The following SDK1 variants were observed in gnomAD, a reference collection of about 807,000 sequenced individuals.
SDK1 encodes the protein sidekick cell adhesion molecule 1, also known as protein sidekick-1.
In SDK1, 157 loss-of-function variants were observed where a neutral mutation model predicts 245.5. That is an observed-to-expected ratio of 0.64 (90% confidence interval 0.56 to 0.73). The LOEUF (loss-of-function observed/expected upper bound fraction) is 0.73. Among genes scored for constraint, SDK1 ranks in the 30% least tolerant of loss-of-function variants. SDK1 has a pLI of 0.00. For missense variants in SDK1, 3,583 were observed against 3,002.3 expected, an observed-to-expected ratio of 1.19 and a Z score of -4.52; for synonymous variants, 1,647 against 1,278.5, an observed-to-expected ratio of 1.29 and a Z score of -6.15.
chr7:4,103,589 G>A lies in SDK1; in HGVS notation c.3325-7074G>A, dbSNP rs577215264. 1.6e-3 allele frequency among the ~76,000 whole-genome samples: 240 copies of A among 152,320 alleles called. 1 individual carries two copies. Among genetic ancestry groups the A allele is most frequent in the African/African-American group, 5.5e-3 (229 of 41,580 alleles). On this transcript the variant is annotated intron_variant, in intron 22 of 44. Transcript: ENST00000404826. The stretch of plus-strand genomic sequence containing the variant: ...TGGTGATCATCTGTTTTGGAGCTCC[G>A]TGTAAAGCAACCCATTTTCAGTACT...
intron 38 of SDK1, 151 bp from the exon 39 acceptor site, chr7:4,219,958 G>T: frequency 1.2e-6 from 1 of 815,228 alleles, no homozygotes; most frequent in Non-Finnish European, 1.8e-6. Context: ...CTGAAAATTG[G>T]CTATTACCAC....
chr7:3,867,002 T>A (rs751505925), intron 5 of SDK1, among the ~76,000 whole-genome samples: 2 of 152,162 alleles, frequency 1.3e-5, no homozygotes, highest in Non-Finnish European at 2.9e-5. Context: ...TCTGGCAGGT[T>A]AACAACAAAG....
chr7:3,962,371 C>T (rs1781768383), intron 8 of SDK1, among the ~76,000 whole-genome samples: 1 of 152,210 alleles, frequency 6.6e-6, no homozygotes, highest in Admixed American at 6.5e-5. Context: ...CAGCTGGAAT[C>T]TCCTTTCCAA....
intron 4 of SDK1, among the ~76,000 whole-genome samples, chr7:3,805,556 T>C (rs1041183732): frequency 2.6e-5 from 4 of 152,224 alleles, no homozygotes; most frequent in South Asian, 2.1e-4. Flanking sequence ...TTCTTTTTTG[T>C]GGCAAATGGT....
intron 1 of SDK1, among the ~76,000 whole-genome samples, chr7:3,307,989 C>G (rs1277487330): frequency 6.6e-6 from 1 of 152,122 alleles, no homozygotes; most frequent in African/African-American, 2.4e-5. Flanking sequence ...CTTCATTTTA[C>G]TTTTCTCAGA....
In SDK1 at chr7:4,125,273, A is replaced by T. The variant is rs373725871; in HGVS notation, c.3824-2108A>T. On this transcript the variant is annotated intron_variant, in intron 25 of 44. Coordinates refer to ENST00000404826, the MANE Select transcript of SDK1 (RefSeq NM_152744.4). Reference sequence around the variant, plus strand: ...GAATGGATGGATGGGTGATGGATGGATGGATATGTAGATGGATAGATGGAT... The same window carrying T: ...GAATGGATGGATGGGTGATGGATGGTTGGATATGTAGATGGATAGATGGAT... Among the ~76,000 whole-genome samples, 31 of 145,544 alleles carry T rather than the reference A, an allele frequency of 2.1e-4. No individual in the cohort carries two copies. The South Asian group carries it at 6.6e-3, about 31-fold the overall frequency.
At chr7:3,706,688 C>A (rs1784901184) in intron 4 of SDK1, among the ~76,000 whole-genome samples, 1 of 152,178 alleles carries the variant, frequency 6.6e-6, no homozygotes, top group African/African-American at 2.4e-5. Flanking sequence ...AGGCGTGAGC[C>A]ACTGTGCTCG....
chr7:3,881,503 T>C (rs1038766530), intron 5 of SDK1, among the ~76,000 whole-genome samples: 1 of 152,234 alleles, frequency 6.6e-6, no homozygotes, highest in African/African-American at 2.4e-5. Flanking sequence ...CATTCTATCA[T>C]TGATGGACAT....
At chr7:4,071,350 A>G (rs555876024) in intron 20 of SDK1, among the ~76,000 whole-genome samples, 2 of 152,344 alleles carry the variant, frequency 1.3e-5, no homozygotes, top group South Asian at 2.1e-4. Context: ...AAAAAAGTAA[A>G]TTAATGAATC....
chr7:3,666,388 C>T (rs529689615), intron 4 of SDK1, among the ~76,000 whole-genome samples: 2 of 152,348 alleles, frequency 1.3e-5, no homozygotes, highest in Non-Finnish European at 2.9e-5. Context: ...ATGCCATCAC[C>T]ATGCTGGATT....
intron 7 of SDK1, among the ~76,000 whole-genome samples, chr7:3,954,097 A>G (rs900420624): frequency 1.5e-5 from 1 of 65,592 alleles, no homozygotes; most frequent in Non-Finnish European, 2.9e-5. Flanking sequence ...GACACAGGAC[A>G]GGCTAGTTGG....
chr7:3,337,775 A>G (rs1269270132), intron 1 of SDK1: 1 of 152,198 alleles, frequency 6.6e-6, no homozygotes, highest in African/African-American at 2.4e-5. Flanking sequence ...ACCATTAACC[A>G]CCAATTCTAT....
At chr7:4,186,965 G>T (rs1782932675) in intron 35 of SDK1, among the ~76,000 whole-genome samples, 1 of 152,152 alleles carries the variant, frequency 6.6e-6, no homozygotes, top group Admixed American at 6.5e-5. Context: ...GCCTCCTTCT[G>T]GGGGCTGCAA....
intron 4 of SDK1, among the ~76,000 whole-genome samples, chr7:3,783,624 C>T (rs190469873): frequency 2.9e-4 from 44 of 152,114 alleles, no homozygotes; most frequent in Middle Eastern, 6.8e-3. Context: ...ACAACAGCTA[C>T]GAAAATTACT....
In SDK1 at chr7:3,586,640, G is replaced by C. The variant is rs181572272; in HGVS notation, c.299-32440G>C. On this transcript the variant is annotated intron_variant, in intron 1 of 44. Coordinates refer to ENST00000404826, the MANE Select transcript of SDK1 (RefSeq NM_152744.4). ...GAATGGCATGAACCCGGGAGGTGGAGGTTGCAGTGAGCTGAGATCGTGCCA... is the reference window on the plus strand; with the variant it reads ...GAATGGCATGAACCCGGGAGGTGGACGTTGCAGTGAGCTGAGATCGTGCCA... Among the ~76,000 whole-genome samples the C allele has an allele frequency of 1.9e-3, 295 of 151,398 alleles. 1 individual carries two copies. The highest frequency in any genetic ancestry group is 6.9e-3 in the African/African-American group (283 of 41,280).
intron 1 of SDK1, among the ~76,000 whole-genome samples, chr7:3,450,627 C>A (rs1327019511): frequency 6.6e-6 from 1 of 152,100 alleles, no homozygotes; most frequent in Non-Finnish European, 1.5e-5. Flanking sequence ...CTGTTTTAGA[C>A]TTAAATGTTT....
At chr7:3,827,572 G>C (rs866228150) in intron 5 of SDK1, among the ~76,000 whole-genome samples, 3 of 152,190 alleles carry the variant, frequency 2.0e-5, no homozygotes, top group African/African-American at 7.2e-5. Context: ...TACAAAACGA[G>C]GTGGGACCTA....
intron 1 of SDK1, among the ~76,000 whole-genome samples, chr7:3,542,887 G>C (rs956029971): frequency 6.6e-6 from 1 of 152,210 alleles, no homozygotes; most frequent in African/African-American, 2.4e-5. Flanking sequence ...CTTCGCTTTA[G>C]AAGCTTCCCA....
chr7:4,171,035 T>C (rs663014), intron 32 of SDK1, among the ~76,000 whole-genome samples: 43,437 of 152,144 alleles, frequency 0.29, 8,157 homozygotes, highest in African/African-American at 0.54. Context: ...TCTGCCAGCT[T>C]TCAGCTTCCC....
Sources: allele counts gnomAD v4.1 joint callset (sites outside exome capture counted in the v4.1 genomes callset), GRCh38; gene constraint gnomAD v4.1.1; transcripts MANE v1.5; gene names NCBI Gene and HGNC (gene_info 2026-07-23, HGNC 2026-07-21).